RYR3: variants seen among roughly 807,000 people sequenced by gnomAD.
The protein encoded by RYR3 is brain ryanodine receptor-calcium release channel.
A neutral mutation model predicts 584.3 loss-of-function variants in RYR3; 207 were observed. The ratio of observed to expected loss-of-function variants is 0.35; its 90% CI spans 0.32 to 0.40. The LOEUF (loss-of-function observed/expected upper bound fraction) is 0.40, where lower values mean the gene tolerates loss of function less well. RYR3 is among the 10% of genes least tolerant of loss of function. The probability of loss-of-function intolerance (pLI) is 1.00; values close to 1 mark genes in which losing one functional copy is unlikely to be tolerated. For synonymous variants in RYR3, 2,416 were observed against 2,248.5 expected (o/e 1.07, Z -2.11); for missense variants, 5,616 against 6,089.2 (o/e 0.92, Z 2.59).
At chr15:33,748,581 C>T (rs915347657) in intron 55 of RYR3, 51 bp downstream of exon 55, 2 of 1,451,216 alleles carry the variant, frequency 1.4e-6, no homozygotes, top group Admixed American at 3.5e-5. Flanking sequence ...GGACGCATTA[C>T]CTTCCAAAGA....
Position 33,864,178 on chromosome 15 carries a change from C to T in RYR3, c.14506C>T (p.His4836Tyr). The change falls in exon 103 of 104, where the codon CAC becomes TAC. Residue 4836 changes from histidine to tyrosine, a missense_variant. His to Tyr is a moderately conservative substitution (Grantham distance 83). This residue lies in a region of RYR3 where 918 missense variants were observed against 887.4 expected (regional missense o/e 1.03). Coordinates refer to ENST00000634891, the MANE Select transcript of RYR3 (RefSeq NM_001036.6). ...MYLINKDETE[H>Y]TGQESYVWKM... ...TTTGATTAATAAAGATGAAACAGAGCACACGGGTCAGGTGAGAAATTAAGA... is the reference window on the plus strand; with the variant it reads ...TTTGATTAATAAAGATGAAACAGAGTACACGGGTCAGGTGAGAAATTAAGA... 1 of 1,611,414 alleles carries T rather than the reference C, an allele frequency of 6.2e-7. No homozygotes were observed. Among genetic ancestry groups the T allele is most frequent in the Non-Finnish European group, 8.5e-7 (1 of 1,178,440 alleles).
Position 33,854,435 on chromosome 15 carries a change from GT to G in RYR3, c.13851del (p.Phe4617LeufsTer40). 6.3e-7 allele frequency: 1 copy of G among 1,575,124 alleles called. No homozygotes were observed. The highest frequency in any genetic ancestry group is 8.6e-7 in the Non-Finnish European group (1 of 1,159,144). ...MKYHIWKLGV[V>X]FTDNSFLYLA... The stretch of plus-strand genomic sequence containing the variant: ...GTACCATATCTGGAAGCTTGGAGTT[GT>G]TTTTACTGACAACGTAAGTACTGCA... On this transcript the variant is annotated frameshift_variant, in exon 97 of 104. Transcript: ENST00000634891. LOFTEE classifies it high-confidence loss of function.
intron 70 of RYR3, 38 bp downstream of exon 70, chr15:33,807,607 G>A: frequency 7.1e-6 from 11 of 1,547,436 alleles, no homozygotes; most frequent in Non-Finnish European, 9.6e-6. Flanking sequence ...TTCTGTCCTA[G>A]TATTAGAGGT....
intron 16 of RYR3, among the ~76,000 whole-genome samples, chr15:33,591,662 C>T (rs1159825474): frequency 6.6e-6 from 1 of 152,156 alleles, no homozygotes; most frequent in Non-Finnish European, 1.5e-5. Flanking sequence ...CTGAAGCTGC[C>T]TTACTCCAAA....
chr15:33,434,074 G>C lies in RYR3; in HGVS notation c.52-39345G>C, dbSNP rs1323690702. The stretch of plus-strand genomic sequence containing the variant: ...ATAATAGTTTGCACCTTTTCTGATG[G>C]TAGTTGACATTTTGTTGGGATGTTT... On this transcript the variant is annotated intron_variant, in intron 1 of 103. Transcript: ENST00000634891. Among the ~76,000 whole-genome samples, 5 of 152,100 alleles carry C rather than the reference G, an allele frequency of 3.3e-5. No homozygotes were observed. In the East Asian group the frequency reaches 9.6e-4, roughly 29 times the overall value.
At chr15:33,803,826 T>C (rs755826580) in intron 69 of RYR3, among the ~76,000 whole-genome samples, 2 of 152,180 alleles carry the variant, frequency 1.3e-5, no homozygotes, top group Non-Finnish European at 2.9e-5. Context: ...TATCTTCAAA[T>C]TGGGGTAGAT....
chr15:33,841,730 C>T, intron 90 of RYR3, 134 bp from the exon 91 acceptor site: 1 of 824,338 alleles, frequency 1.2e-6, no homozygotes, highest in Non-Finnish European at 1.9e-6. Flanking sequence ...TGATAAAGAC[C>T]TGAAGTTTCC....
intron 1 of RYR3, among the ~76,000 whole-genome samples, chr15:33,429,983 G>A (rs2044986687): frequency 6.6e-6 from 1 of 152,236 alleles, no homozygotes; most frequent in Non-Finnish European, 1.5e-5. Flanking sequence ...GGGCCCACAG[G>A]GCCTTCTGGC....
intron 90 of RYR3, among the ~76,000 whole-genome samples, chr15:33,841,529 C>G (rs2078362442): frequency 2.0e-5 from 3 of 152,122 alleles, no homozygotes; most frequent in African/African-American, 7.2e-5. Flanking sequence ...TATACAATAT[C>G]TTATTAAATC....
chr15:33,562,178 G>A (rs2057443596), intron 10 of RYR3, among the ~76,000 whole-genome samples: 1 of 152,140 alleles, frequency 6.6e-6, no homozygotes, highest in African/African-American at 2.4e-5. Context: ...GTTGTTACCT[G>A]GTGCACAGGA....
At chr15:33,459,412 A>C (rs2047835067) in intron 1 of RYR3, among the ~76,000 whole-genome samples, 1 of 152,172 alleles carries the variant, frequency 6.6e-6, no homozygotes, top group African/African-American at 2.4e-5. Flanking sequence ...GGAGATAAAA[A>C]TTCAGGTGGT....
Position 33,662,691 on chromosome 15 carries a change from C to T in RYR3, c.5161C>T (p.Gln1721Ter). ...CCCTGTAGGGGGGTCTGTGGAGTTCCAGTTTGTGCCTGTGCTGAAACTCAT... is the reference window on the plus strand; with the variant it reads ...CCCTGTAGGGGGGTCTGTGGAGTTCTAGTTTGTGCCTGTGCTGAAACTCAT... The part of the protein sequence containing the change: ...RDPVGGSVEF[Q>*]FVPVLKLIGT... Residue 1721 changes from glutamine to a stop codon, truncating the protein, a stop_gained, in exon 35 of 104, where the codon CAG (glutamine) becomes TAG (stop). Transcript: ENST00000634891. LOFTEE classifies it high-confidence loss of function. 1 of 1,614,164 alleles carries T rather than the reference C, an allele frequency of 6.2e-7. No homozygotes were observed. Among genetic ancestry groups the T allele is most frequent in the East Asian group, 2.2e-5 (1 of 44,876 alleles).
chr15:33,435,190 G>C (rs1332362598), intron 1 of RYR3, among the ~76,000 whole-genome samples: 1 of 152,120 alleles, frequency 6.6e-6, no homozygotes, highest in Non-Finnish European at 1.5e-5. Context: ...ACTAGGGCTT[G>C]TTGTACAGAT....
At chr15:33,334,554 TG>T (rs1205527201) in intron 1 of RYR3, among the ~76,000 whole-genome samples, 1 of 152,118 alleles carries the variant, frequency 6.6e-6, no homozygotes, top group Non-Finnish European at 1.5e-5. Context: ...AATACTTAAA[TG>T]TAAAACCCAA....
chr15:33,852,059 C>T (rs1462569248), intron 94 of RYR3: 1 of 3,042 alleles, frequency 3.3e-4, no homozygotes, highest in Non-Finnish European at 4.9e-3. Context: ...GGGGGAGAGG[C>T]GGCATGAGAG....
rs777542025 is a variant in RYR3, at chr15:33,365,053, G to T, written c.51+53957G>T. Among the ~76,000 whole-genome samples, 4 of 152,290 alleles carry T rather than the reference G, an allele frequency of 2.6e-5. No individual in the cohort carries two copies. In the Middle Eastern group the frequency reaches 0.01, roughly 388 times the overall value. On this transcript the variant is annotated intron_variant, in intron 1 of 103. Transcript: ENST00000634891. ...ATGTAACTAAGAGGAGTATGACAGG[G>T]TAGCAGCAACATGTAGGAGCATTAC... is the stretch of plus-strand genomic sequence containing the variant.
chr15:33,426,701 T>C (rs560653518), intron 1 of RYR3, among the ~76,000 whole-genome samples: 1 of 152,342 alleles, frequency 6.6e-6, no homozygotes, highest in Non-Finnish European at 1.5e-5. Context: ...AGGATTGGAA[T>C]CTTAGTCTTA....
At chr15:33,452,167 T>C (rs1209648055) in intron 1 of RYR3, among the ~76,000 whole-genome samples, 1 of 152,196 alleles carries the variant, frequency 6.6e-6, no homozygotes, top group Admixed American at 6.5e-5. Context: ...GTAAGCTCAG[T>C]TATGGGGTAC....
At chr15:33,531,647 AT>A (rs5811767) in intron 4 of RYR3, among the ~76,000 whole-genome samples, 32 of 137,642 alleles carry the variant, frequency 2.3e-4, no homozygotes, top group South Asian at 1.4e-3. Flanking sequence ...ATATATATAT[AT>A]TTTTTTTTCT....
Sources: allele counts gnomAD v4.1 joint callset (sites outside exome capture counted in the v4.1 genomes callset), GRCh38; gene constraint gnomAD v4.1.1; regional missense constraint gnomAD v4.1.1; transcripts MANE v1.5; gene names NCBI Gene and HGNC (gene_info 2026-07-23, HGNC 2026-07-21).